The following ARNT variants were observed in gnomAD, a reference collection of about 807,000 sequenced individuals.
The protein encoded by ARNT is aryl hydrocarbon receptor nuclear translocator, also known as class E basic helix-loop-helix protein 2.
Under a neutral mutation model 105.0 loss-of-function variants are expected in ARNT, and 30 were observed. The ratio of observed to expected loss-of-function variants is 0.29; its 90% CI spans 0.21 to 0.39. The LOEUF is 0.39. Ranked by LOEUF, ARNT falls within the 10% of genes least tolerant of loss-of-function variation. The pLI is 1.00. For synonymous variants in ARNT, 304 were observed against 344.0 expected, an observed-to-expected ratio of 0.88 and a Z score of 1.29; for missense variants, 748 against 978.7, an observed-to-expected ratio of 0.76 and a Z score of 3.15.
chr1:150,862,164 T>C (rs587594635), intron 1 of ARNT, among the ~76,000 whole-genome samples: 1 of 152,336 alleles, frequency 6.6e-6, no homozygotes, highest in South Asian at 2.1e-4. Context: ...CTCTGTACTA[T>C]AAATGTATAG....
At chr1:150,816,197 C>T (rs147474918) in intron 19 of ARNT, 62 bp downstream of exon 19, 128 of 1,531,716 alleles carry the variant, frequency 8.4e-5, no homozygotes, top group African/African-American at 1.9e-4. Context: ...ATTTTACATA[C>T]GGAAAAAAGC....
chr1:150,817,287 A>T (rs1656081759), intron 16 of ARNT, 74 bp downstream of exon 16: 1 of 1,611,040 alleles, frequency 6.2e-7, no homozygotes, highest in Non-Finnish European at 8.5e-7. Context: ...ACATATGTAC[A>T]TTCTAACTAG....
chr1:150,851,492 ACT>A (rs1663534331), intron 3 of ARNT, among the ~76,000 whole-genome samples: 1 of 150,838 alleles, frequency 6.6e-6, no homozygotes, highest in Non-Finnish European at 1.5e-5. Context: ...GACATAGGAG[ACT>A]CTATTTTGTT....
At chr1:150,854,702 C>T (rs1335397924) in intron 2 of ARNT, among the ~76,000 whole-genome samples, 1 of 151,658 alleles carries the variant, frequency 6.6e-6, no homozygotes, top group Non-Finnish European at 1.5e-5. Context: ...ACTAAAAATA[C>T]AAAAATTAGC....
intron 14 of ARNT, chr1:150,818,264 T>C (rs1017737152): frequency 1.2e-5 from 5 of 411,526 alleles, no homozygotes; most frequent in African/African-American, 2.0e-5. Context: ...TCTAACTCCT[T>C]CTAGGTATTC....
At chr1:150,816,673 C>G (rs972232712) in intron 18 of ARNT, 115 bp downstream of exon 18, 2 of 1,280,248 alleles carry the variant, frequency 1.6e-6, no homozygotes, top group Non-Finnish European at 2.1e-6. Flanking sequence ...CTAGGCCCTA[C>G]AAGCTTCACT....
At chr1:150,865,780 C>T (rs1666467568) in intron 1 of ARNT, among the ~76,000 whole-genome samples, 1 of 152,132 alleles carries the variant, frequency 6.6e-6, no homozygotes, top group South Asian at 2.1e-4. Context: ...CTGCCTATTT[C>T]CTATATTTCG....
At position 150,810,054 on chromosome 1, in the gene ARNT, G is replaced by C. The variant is rs1209473345; in HGVS notation, c.*1967C>G. 4.4e-6 allele frequency: 1 copy of C among 229,326 alleles called. No individual in the cohort carries two copies. Among genetic ancestry groups the C allele is most frequent in the East Asian group, 6.2e-5 (1 of 16,196 alleles). 14.2% of individuals were successfully genotyped at this position (229,326 alleles called of 1,614,324 possible). ...TGCCTGTTGTTTATGAACTGGAAAG[G>C]AATGATAAAGCCGCAATCAAGATCA... On this transcript the variant is annotated 3_prime_UTR_variant, in exon 22 of 22. Transcript: ENST00000358595.
intron 1 of ARNT, among the ~76,000 whole-genome samples, chr1:150,859,985 C>A (rs1374967659): frequency 6.7e-6 from 1 of 149,034 alleles, no homozygotes; most frequent in Non-Finnish European, 1.5e-5. Flanking sequence ...CCACCCTGGG[C>A]AACAGAGCAA....
intron 1 of ARNT, among the ~76,000 whole-genome samples, chr1:150,867,347 C>T (rs1015620375): frequency 1.3e-5 from 2 of 151,054 alleles, no homozygotes; most frequent in Non-Finnish European, 2.9e-5. Context: ...CTGGGCAATA[C>T]AGTGAGACCT....
chr1:150,861,022 T>C (rs1018751738), intron 1 of ARNT, among the ~76,000 whole-genome samples: 1 of 151,978 alleles, frequency 6.6e-6, no homozygotes, highest in African/African-American at 2.4e-5. Context: ...ACATAACCAA[T>C]CGCTAGGGAA....
intron 1 of ARNT, among the ~76,000 whole-genome samples, chr1:150,869,364 C>G (rs1275466117): frequency 6.6e-6 from 1 of 151,714 alleles, no homozygotes; most frequent in Non-Finnish European, 1.5e-5. Context: ...GTAGTCCCAG[C>G]TACTCGCGAG....
intron 1 of ARNT, among the ~76,000 whole-genome samples, chr1:150,866,577 C>T (rs901488474): frequency 1.3e-5 from 2 of 152,012 alleles, no homozygotes; most frequent in African/African-American, 2.4e-5. Flanking sequence ...GCAGAGGACT[C>T]CCTTATAATT....
intron 1 of ARNT, among the ~76,000 whole-genome samples, chr1:150,860,329 C>T (rs977354456): frequency 2.0e-5 from 3 of 149,652 alleles, no homozygotes; most frequent in African/African-American, 7.4e-5. Context: ...GATTCTCGAG[C>T]CTCAGCCTCC....
At chr1:150,846,397 T>A in intron 3 of ARNT, 90 bp from the exon 4 acceptor site, 1 of 1,324,532 alleles carries the variant, frequency 7.5e-7, no homozygotes, top group African/African-American at 1.5e-5. Flanking sequence ...GTGAAAATAT[T>A]CAATAGAAAA....
Position 150,836,446 on chromosome 1 carries a change from A to G in ARNT, c.534T>C (p.Ile178=), listed in dbSNP as rs751374107. 6.8e-6 allele frequency: 11 copies of G among 1,614,088 alleles called. No individual in the cohort carries two copies. The highest frequency in any genetic ancestry group is 1.3e-5 in the African/African-American group (1 of 74,936). Residue 178 remains isoleucine (I), a synonymous_variant, in exon 7 of 22, where the codon ATT becomes ATC. Transcript: ENST00000358595. ...CCACCCTGCCTGTCTCACATGAGACAATAAACAGAAAGCCATCTGCTGCCT... is the reference window on the plus strand; with the variant it reads ...CCACCCTGCCTGTCTCACATGAGACGATAAACAGAAAGCCATCTGCTGCCT... The part of the protein sequence containing the change: ...ILEAADGFLF[I]VSCETGRVVY...
In ARNT at chr1:150,838,255, C is replaced by G. The variant is rs587618442; in HGVS notation, c.486+1186G>C. ...TCTAGGTTTTTGCTCAAGTGCTTCC[C>G]AAAATCCACAACACTACTCCCCAAC... On this transcript the variant is annotated intron_variant, in intron 6 of 21. Transcript: ENST00000358595. Among the ~76,000 whole-genome samples, 443 of 152,260 alleles carry G rather than the reference C, an allele frequency of 2.9e-3. 2 individuals are homozygous for G. The highest frequency in any genetic ancestry group is 3.8e-3 in the Non-Finnish European group (261 of 68,002).
chr1:150,868,697 C>G (rs189027338), intron 1 of ARNT, among the ~76,000 whole-genome samples: 1 of 151,116 alleles, frequency 6.6e-6, no homozygotes, highest in South Asian at 2.1e-4. Context: ...GTCAGGAGAT[C>G]GAGACCATCC....
At position 150,809,942 on chromosome 1, in the gene ARNT, A is replaced by G. The variant is rs1654430065; in HGVS notation, c.*2079T>C. Reference sequence around the variant, plus strand: ...AGGCGTGCAATGTGATCAGAACCCTATGATTTCTGATTCCTGAAATTAAAG... The same window carrying G: ...AGGCGTGCAATGTGATCAGAACCCTGTGATTTCTGATTCCTGAAATTAAAG... On this transcript the variant is annotated 3_prime_UTR_variant, in exon 22 of 22. Transcript: ENST00000358595. 8.9e-6 allele frequency: 2 copies of G among 224,868 alleles called. No individual in the cohort carries two copies. Among genetic ancestry groups the G allele is most frequent in the South Asian group, 1.8e-4 (1 of 5,458 alleles). 13.9% of individuals were successfully genotyped at this position (224,868 alleles called of 1,614,324 possible).
Sources: allele counts gnomAD v4.1 joint callset (sites outside exome capture counted in the v4.1 genomes callset), GRCh38; gene constraint gnomAD v4.1.1; transcripts MANE v1.5; gene names NCBI Gene and HGNC (gene_info 2026-07-23, HGNC 2026-07-21).